WWOX: variants seen among roughly 807,000 people sequenced by gnomAD.
WWOX encodes WW domain containing oxidoreductase.
Under a neutral mutation model 46.2 loss-of-function variants are expected in WWOX, and 69 were observed. The observed-to-expected ratio is 1.49, with a 90% CI of 1.23 to 1.82. The LOEUF is 1.82. WWOX is among the 40% of genes most tolerant of loss of function. The pLI, the probability that WWOX is intolerant of heterozygous loss-of-function variation, is 0.00. For missense variants in WWOX, 919 were observed against 542.6 expected, an observed-to-expected ratio of 1.69 and a Z score of -6.89; for synonymous variants, 359 against 202.6, an observed-to-expected ratio of 1.77 and a Z score of -6.56.
intron 8 of WWOX, among the ~76,000 whole-genome samples, chr16:78,547,174 G>T (rs944909658): frequency 6.9e-6 from 1 of 144,534 alleles, no homozygotes; most frequent in African/African-American, 2.6e-5. Context: ...TACCAGGCCT[G>T]TTGGAATGTC....
chr16:78,192,238 T>C (rs2035904996), intron 5 of WWOX, among the ~76,000 whole-genome samples: 1 of 152,130 alleles, frequency 6.6e-6, no homozygotes. Context: ...CTCATGCCTG[T>C]AATCCCAGCA....
At chr16:78,729,691 G>C (rs1362622161) in intron 8 of WWOX, among the ~76,000 whole-genome samples, 2 of 152,162 alleles carry the variant, frequency 1.3e-5, no homozygotes, top group African/African-American at 2.4e-5. Context: ...ACAAGTTTCT[G>C]TTGTGTGTAG....
At chr16:78,864,735 G>A (rs940464433) in intron 8 of WWOX, among the ~76,000 whole-genome samples, 11 of 146,364 alleles carry the variant, frequency 7.5e-5, no homozygotes, top group African/African-American at 2.8e-4. Flanking sequence ...AGAGCTGTGT[G>A]GCTATTTTTC....
At position 78,575,064 on chromosome 16, in the gene WWOX, T is replaced by C. The variant is rs865828474; in HGVS notation, c.1056+142312T>C. Among the ~76,000 whole-genome samples the C allele has an allele frequency of 3.2e-4, 7 of 21,554 alleles. 1 individual carries two copies. Among genetic ancestry groups the C allele is most frequent in the African/African-American group, 1.0e-3 (7 of 6,680 alleles). The allele number at this position is 21,554 out of a possible 152,430, so 14.1% of individuals were successfully genotyped here. ...ATATATATATATATATATATATATATATATATATATATATATATATATATA... is the reference window on the plus strand; with the variant it reads ...ATATATATATATATATATATATATACATATATATATATATATATATATATA... On this transcript the variant is annotated intron_variant, in intron 8 of 8. Transcript: ENST00000566780.
Position 78,475,486 on chromosome 16 carries a change from T to C in WWOX, c.1056+42734T>C, listed in dbSNP as rs375842609. Among the ~76,000 whole-genome samples the C allele has an allele frequency of 3.0e-3, 462 of 152,324 alleles. 22 individuals are homozygous for C. In the South Asian group the frequency reaches 0.09, roughly 30 times the overall value. Reference sequence around the variant, plus strand: ...TGTTGGTTTGTTATAAGGTGGTCCTTTATAAAGTTTAGACCTATTTTAATA... The same window carrying C: ...TGTTGGTTTGTTATAAGGTGGTCCTCTATAAAGTTTAGACCTATTTTAATA... On this transcript the variant is annotated intron_variant, in intron 8 of 8. Coordinates refer to ENST00000566780, the MANE Select transcript of WWOX (RefSeq NM_016373.4).
intron 8 of WWOX, among the ~76,000 whole-genome samples, chr16:78,617,364 T>TGCACCCCA (rs2046051501): frequency 6.8e-6 from 1 of 148,142 alleles, no homozygotes; most frequent in Non-Finnish European, 1.5e-5. Context: ...ATTGCACCAC[T>TGCACCCCA]GCACCCCAGC....
At chr16:78,561,582 A>AT (rs559822102) in intron 8 of WWOX, among the ~76,000 whole-genome samples, 23 of 150,622 alleles carry the variant, frequency 1.5e-4, no homozygotes, top group African/African-American at 2.2e-4. Flanking sequence ...TCAAAGCCCC[A>AT]TTTTTTTTTG....
intron 8 of WWOX, among the ~76,000 whole-genome samples, chr16:78,614,771 G>A (rs913277522): frequency 6.6e-6 from 1 of 152,144 alleles, no homozygotes; most frequent in African/African-American, 2.4e-5. Context: ...TGACAGAGTT[G>A]TCTTTTTGTT....
intron 8 of WWOX, among the ~76,000 whole-genome samples, chr16:78,988,143 G>C (rs1158235003): frequency 6.6e-6 from 1 of 151,954 alleles, no homozygotes; most frequent in Non-Finnish European, 1.5e-5. Flanking sequence ...AGGAGTTTGA[G>C]ACCAGTCTGG....
In WWOX at chr16:78,150,599, T is replaced by A. The variant is rs544715025; in HGVS notation, c.410-13584T>A. 2.6e-5 allele frequency among the ~76,000 whole-genome samples: 4 copies of A among 151,820 alleles called. 1 individual carries two copies. The highest frequency in any genetic ancestry group is 9.7e-5 in the African/African-American group (4 of 41,394). On this transcript the variant is annotated intron_variant, in intron 4 of 8. Coordinates refer to ENST00000566780, the MANE Select transcript of WWOX (RefSeq NM_016373.4). Reference sequence around the variant, plus strand: ...GGTCTCAATATGTCACCCAGGCTGGTCTTGAACTCCTCAGCTCAAGCAATC... The same window carrying A: ...GGTCTCAATATGTCACCCAGGCTGGACTTGAACTCCTCAGCTCAAGCAATC...
chr16:79,051,383 C>T lies in WWOX; in HGVS notation c.1057-160225C>T, dbSNP rs143690674. On this transcript the variant is annotated intron_variant, in intron 8 of 8. Coordinates refer to ENST00000566780, the MANE Select transcript of WWOX (RefSeq NM_016373.4). The stretch of plus-strand genomic sequence containing the variant: ...AAAACAGGTGCTGTGATCAGCAAGC[C>T]GCTGTCCTCCAAGTGGTAATTCAGG... Among the ~76,000 whole-genome samples the T allele has an allele frequency of 3.9e-3, 594 of 152,276 alleles. 3 individuals are homozygous for T. The highest frequency in any genetic ancestry group is 6.7e-3 in the Non-Finnish European group (454 of 68,030).
At chr16:78,613,092 G>T (rs1212749546) in intron 8 of WWOX, among the ~76,000 whole-genome samples, 1 of 152,038 alleles carries the variant, frequency 6.6e-6, no homozygotes, top group Non-Finnish European at 1.5e-5. Flanking sequence ...CATGGTTTCT[G>T]CCCTCAGCTT....
intron 8 of WWOX, among the ~76,000 whole-genome samples, chr16:78,456,964 C>T (rs185752840): frequency 9.9e-4 from 151 of 152,350 alleles, no homozygotes; most frequent in African/African-American, 3.5e-3. Flanking sequence ...AGATGCACAT[C>T]CCCTTGTGGG....
At chr16:78,832,519 C>T (rs2051859141) in intron 8 of WWOX, among the ~76,000 whole-genome samples, 1 of 152,154 alleles carries the variant, frequency 6.6e-6, no homozygotes, top group Non-Finnish European at 1.5e-5. Flanking sequence ...ATTCTAAGAC[C>T]ACCACACTCT....
At chr16:78,540,524 AAAC>A (rs560933864) in intron 8 of WWOX, among the ~76,000 whole-genome samples, 51 of 152,266 alleles carry the variant, frequency 3.3e-4, no homozygotes, top group Non-Finnish European at 4.1e-4. Flanking sequence ...TTGGACAGAT[AAAC>A]AACATGTCAT....
At position 78,519,373 on chromosome 16, in the gene WWOX, T is replaced by C. The variant is rs1388452245; in HGVS notation, c.1056+86621T>C. ...GCCATCATTTTGATCACATTTTGGC[T>C]TAGTTTCTTCCTCTACCCTCTTCCC... On this transcript the variant is annotated intron_variant, in intron 8 of 8. Transcript: ENST00000566780. Among the ~76,000 whole-genome samples the C allele has an allele frequency of 2.0e-5, 3 of 152,170 alleles. No individual in the cohort carries two copies. The South Asian group carries it at 6.2e-4, about 32-fold the overall frequency.
chr16:78,727,669 T>C (rs941694424), intron 8 of WWOX, among the ~76,000 whole-genome samples: 4 of 152,182 alleles, frequency 2.6e-5, no homozygotes, highest in African/African-American at 7.2e-5. Flanking sequence ...TTTTCCCTTA[T>C]GTCAAGCTTC....
intron 8 of WWOX, among the ~76,000 whole-genome samples, chr16:78,482,101 A>T (rs929745594): frequency 6.6e-6 from 1 of 152,148 alleles, no homozygotes; most frequent in Non-Finnish European, 1.5e-5. Context: ...GGTGGATATT[A>T]TACATTTATT....
At chr16:78,365,792 G>A (rs934305055) in intron 5 of WWOX, among the ~76,000 whole-genome samples, 12 of 151,862 alleles carry the variant, frequency 7.9e-5, no homozygotes, top group Non-Finnish European at 1.0e-4. Flanking sequence ...CTCCTCTATG[G>A]CTCCCCCCAC....
Sources: allele counts gnomAD v4.1 joint callset (sites outside exome capture counted in the v4.1 genomes callset), GRCh38; gene constraint gnomAD v4.1.1; transcripts MANE v1.5; gene names NCBI Gene and HGNC (gene_info 2026-07-23, HGNC 2026-07-21).